The following FAM156A variants were observed in gnomAD, a reference collection of about 807,000 sequenced individuals.
FAM156A encodes the protein family with sequence similarity 156 member A, also known as protein FAM156A/FAM156B.
At chrX:52,983,162 A>C (rs1266110092) in intron 1 of FAM156A, among the ~76,000 whole-genome samples, 1 of 112,362 alleles carries the variant, frequency 8.9e-6, no homozygotes, top group Non-Finnish European at 1.9e-5. Context: ...CTGAGATGGG[A>C]GGATTGCTTG....
chrX:52,973,311 A>C (rs1362451060), intron 1 of FAM156A, among the ~76,000 whole-genome samples: 3 of 110,576 alleles, frequency 2.7e-5, no homozygotes, highest in Non-Finnish European at 5.7e-5. Context: ...ACTGAAGTCC[A>C]GTTCAGCTAC....
intron 1 of FAM156A, among the ~76,000 whole-genome samples, chrX:52,991,021 A>G (rs182686283): frequency 9.0e-6 from 1 of 111,071 alleles, no homozygotes; most frequent in East Asian, 2.9e-4. Flanking sequence ...GAAAAGCATG[A>G]TTCATGTTAG....
chrX:52,978,244 G>A (rs986687931), intron 1 of FAM156A, among the ~76,000 whole-genome samples: 6 of 111,764 alleles, frequency 5.4e-5, no homozygotes, highest in Non-Finnish European at 5.6e-5. Flanking sequence ...GAGCTGAAGA[G>A]ATAATCTAAA....
intron 1 of FAM156A, among the ~76,000 whole-genome samples, chrX:52,983,524 G>A (rs1238776825): frequency 8.9e-6 from 1 of 112,287 alleles, no homozygotes; most frequent in Non-Finnish European, 1.9e-5. Flanking sequence ...AAAGGCTGGA[G>A]AAATTTTTCT....
chrX:52,983,644 C>T (rs1930064577), intron 1 of FAM156A, among the ~76,000 whole-genome samples: 1 of 112,056 alleles, frequency 8.9e-6, no homozygotes, highest in African/African-American at 3.2e-5. Flanking sequence ...ATTTTTCATC[C>T]ACCCCAGCAT....
At chrX:52,975,051 T>TACACACACACAC (rs61081750) in intron 1 of FAM156A, among the ~76,000 whole-genome samples, 19 of 83,657 alleles carry the variant, frequency 2.3e-4, no homozygotes, top group South Asian at 7.4e-4. Context: ...GTTAAACACA[T>TACACACACACAC]ACACACACAC....
chrX:52,994,205 A>T (rs374262550), intron 1 of FAM156A, among the ~76,000 whole-genome samples: 1 of 110,242 alleles, frequency 9.1e-6, no homozygotes, highest in South Asian at 3.9e-4. Flanking sequence ...AGACTCCAAA[A>T]TCCCTGCACA....
At chrX:52,988,187 A>G (rs1187819924) in intron 1 of FAM156A, among the ~76,000 whole-genome samples, 1 of 107,948 alleles carries the variant, frequency 9.3e-6, no homozygotes, top group African/African-American at 3.4e-5. Context: ...TGGAGGTTGC[A>G]GTGAGCCGAG....
chrX:52,993,642 C>A (rs1283199898), intron 1 of FAM156A, among the ~76,000 whole-genome samples: 1 of 110,270 alleles, frequency 9.1e-6, no homozygotes, highest in East Asian at 2.8e-4. Flanking sequence ...TTCGAACTCC[C>A]AACCCCAGGT....
intron 1 of FAM156A, among the ~76,000 whole-genome samples, chrX:52,976,549 TAGAG>T (rs1556792304): frequency 8.9e-6 from 1 of 112,407 alleles, no homozygotes; most frequent in Non-Finnish European, 1.9e-5. Context: ...GTTTCCCACT[TAGAG>T]AGCAACACTT....
chrX:52,977,682 T>C (rs1929590575), intron 1 of FAM156A, among the ~76,000 whole-genome samples: 1 of 111,546 alleles, frequency 9.0e-6, no homozygotes, highest in African/African-American at 3.3e-5. Context: ...GCAATCCTCC[T>C]GCCTTGGCCT....
intron 1 of FAM156A, among the ~76,000 whole-genome samples, chrX:52,982,449 A>G (rs950640909): frequency 1.8e-5 from 2 of 112,112 alleles, no homozygotes; most frequent in Non-Finnish European, 3.8e-5. Context: ...GTGAGACTCC[A>G]TCTCAAAAAT....
At chrX:52,989,815 G>A (rs1569208425) in intron 1 of FAM156A, among the ~76,000 whole-genome samples, 1 of 112,285 alleles carries the variant, frequency 8.9e-6, no homozygotes, top group Non-Finnish European at 1.9e-5. Context: ...GTTGGAGCCT[G>A]CCCCCAGTAT....
chrX:52,991,202 G>A (rs1270856805), intron 1 of FAM156A, among the ~76,000 whole-genome samples: 3 of 111,483 alleles, frequency 2.7e-5, no homozygotes, highest in African/African-American at 9.8e-5. Flanking sequence ...ATCTCCATCT[G>A]CAAGCTGGAG....
intron 1 of FAM156A, among the ~76,000 whole-genome samples, chrX:52,979,948 A>T (rs1929739027): frequency 1.8e-5 from 2 of 112,422 alleles, no homozygotes; most frequent in Non-Finnish European, 3.8e-5. Context: ...TGTAGTCAGA[A>T]TATCATCGCC....
intron 1 of FAM156A, among the ~76,000 whole-genome samples, chrX:52,984,334 C>T (rs1556793981): frequency 8.9e-6 from 1 of 112,192 alleles, no homozygotes; most frequent in African/African-American, 3.2e-5. Context: ...GTCACACAGG[C>T]ACCCTCTGCC....
chrX:52,982,299 C>T (rs1929968013), intron 1 of FAM156A, among the ~76,000 whole-genome samples: 1 of 110,964 alleles, frequency 9.0e-6, no homozygotes, highest in South Asian at 3.8e-4. Flanking sequence ...ACTAAAAATA[C>T]AAAAATTAGC....
rs1556793943 is a variant in FAM156A, at chrX:52,984,128, C to G, written c.-434+11178G>C. Among the ~76,000 whole-genome samples, 2 of 111,053 alleles carry G rather than the reference C, an allele frequency of 1.8e-5. 1 individual carries two copies. ...GAAGATTCATTACAATGGAAGTATA[C>G]GGCAATATCAGCACAAAAAAAAAAG... is the stretch of plus-strand genomic sequence containing the variant. On this transcript the variant is annotated intron_variant, in intron 1 of 4. Transcript: ENST00000610625.
intron 1 of FAM156A, among the ~76,000 whole-genome samples, chrX:52,980,782 CTGTGTGTGTGTGTG>C (rs1156303085): frequency 0.027 from 1,052 of 38,429 alleles, 16 homozygotes; most frequent in South Asian, 0.031. Context: ...TAGGGTTCCT[CTGTGTGTGTGTGTG>C]TGTGTGTGTG....
Sources: allele counts gnomAD v4.1 joint callset (sites outside exome capture counted in the v4.1 genomes callset), GRCh38; gene constraint gnomAD v4.1.1; transcripts MANE v1.5; gene names NCBI Gene and HGNC (gene_info 2026-07-23, HGNC 2026-07-21).